The following EHHADH variants were observed in gnomAD, a reference collection of about 807,000 sequenced individuals.
EHHADH encodes the protein enoyl-CoA hydratase and 3-hydroxyacyl CoA dehydrogenase, also known as peroxisomal bifunctional enzyme.
Under a neutral mutation model 64.4 loss-of-function variants are expected in EHHADH, and 48 were observed. The ratio of observed to expected loss-of-function variants is 0.75; its 90% CI spans 0.59 to 0.95. EHHADH has a LOEUF of 0.95. EHHADH is among the 40% of genes least tolerant of loss of function. The probability of loss-of-function intolerance (pLI) is 0.00; values close to 1 mark genes in which losing one functional copy is unlikely to be tolerated. For synonymous variants in EHHADH, 308 were observed against 326.7 expected (o/e 0.94, Z 0.62); for missense variants, 854 against 876.6 (o/e 0.97, Z 0.33).
At chr3:185,220,482 A>C (rs1370442305) in intron 4 of EHHADH, among the ~76,000 whole-genome samples, 9 of 152,334 alleles carry the variant, frequency 5.9e-5, no homozygotes, top group Admixed American at 2.6e-4. Context: ...CATACCATAT[A>C]GCCTAGGTGT....
At chr3:185,229,642 G>A in intron 3 of EHHADH, 99 bp from the exon 4 acceptor site, 2 of 673,754 alleles carry the variant, frequency 3.0e-6, no homozygotes, top group Non-Finnish European at 4.5e-6. Flanking sequence ...CAAAAGCATG[G>A]TGTCACTGAA....
intron 4 of EHHADH, among the ~76,000 whole-genome samples, chr3:185,220,723 C>T (rs992492899): frequency 3.3e-5 from 5 of 152,188 alleles, no homozygotes; most frequent in African/African-American, 1.2e-4. Flanking sequence ...GTGTAGATGA[C>T]AACCACTGTC....
rs557153023 is a variant in EHHADH at position 185,246,510 on chromosome 3, C to T, written c.178+1904G>A. ...GGTCAGCCCCCAGGCCCCGTGGCAG[C>T]GCTGCTCCTGCTGATACCTCTCCCA... On this transcript the variant is annotated intron_variant, in intron 2 of 6. Transcript: ENST00000231887. 3.7e-5 allele frequency: 11 copies of T among 300,568 alleles called. 1 individual carries two copies. The highest frequency in any genetic ancestry group is 2.1e-3 in the Middle Eastern group (2 of 942). 18.6% of individuals were successfully genotyped at this position (300,568 alleles called of 1,614,324 possible). A position where few individuals can be genotyped will look rare whatever the true frequency, so the allele number is the denominator to read the frequency against.
At chr3:185,234,111 T>C (rs1408628854) in intron 3 of EHHADH, among the ~76,000 whole-genome samples, 1 of 152,208 alleles carries the variant, frequency 6.6e-6, no homozygotes, top group Non-Finnish European at 1.5e-5. Context: ...TGTTCTCTAG[T>C]TTAGTAGAAT....
intron 6 of EHHADH, among the ~76,000 whole-genome samples, chr3:185,199,318 A>G (rs897788265): frequency 5.3e-5 from 8 of 152,240 alleles, no homozygotes; most frequent in African/African-American, 1.9e-4. Context: ...CACACAGAAG[A>G]CTGTACTTTC....
intron 2 of EHHADH, among the ~76,000 whole-genome samples, chr3:185,247,427 G>A (rs1453482661): frequency 2.6e-5 from 4 of 152,084 alleles, no homozygotes; most frequent in Non-Finnish European, 5.9e-5. Flanking sequence ...TTAATAACTG[G>A]TTAAGGTTTG....
intron 2 of EHHADH, among the ~76,000 whole-genome samples, chr3:185,242,068 T>C (rs985936616): frequency 1.3e-5 from 2 of 152,196 alleles, no homozygotes; most frequent in South Asian, 2.1e-4. Context: ...CAATAACTCA[T>C]CCCCTTTTAA....
At chr3:185,233,473 A>T (rs1577371441) in intron 3 of EHHADH, among the ~76,000 whole-genome samples, 1 of 152,244 alleles carries the variant, frequency 6.6e-6, no homozygotes, top group East Asian at 1.9e-4. Flanking sequence ...GAAAACAAAT[A>T]GCAAAATGGC....
At chr3:185,201,601 G>A (rs922887847) in intron 6 of EHHADH, among the ~76,000 whole-genome samples, 6 of 152,300 alleles carry the variant, frequency 3.9e-5, no homozygotes, top group Non-Finnish European at 4.4e-5. Flanking sequence ...GTTGCATCAC[G>A]AAGATGAAAC....
At chr3:185,245,483 G>A in intron 2 of EHHADH, 1 of 1,043,604 alleles carries the variant, frequency 9.6e-7, no homozygotes, top group Non-Finnish European at 1.4e-6. Context: ...GCACAGGGCT[G>A]TGCTCGCTTG....
At chr3:185,194,609 T>TAACAACAACAACAAC (rs35024076) in intron 6 of EHHADH, among the ~76,000 whole-genome samples, 1 of 144,406 alleles carries the variant, frequency 6.9e-6, no homozygotes, top group African/African-American at 2.6e-5. Context: ...TGAAACTCTG[T>TAACAACAACAACAAC]AACAACAACA....
intron 4 of EHHADH, among the ~76,000 whole-genome samples, chr3:185,220,256 T>C (rs1309941950): frequency 1.3e-5 from 2 of 152,186 alleles, no homozygotes; most frequent in Non-Finnish European, 2.9e-5. Context: ...ACAGAGTCAA[T>C]GGGATTCCAA....
intron 6 of EHHADH, among the ~76,000 whole-genome samples, chr3:185,197,524 C>A (rs1718097962): frequency 6.6e-6 from 1 of 152,222 alleles, no homozygotes; most frequent in African/African-American, 2.4e-5. Context: ...CCAGGTACCT[C>A]ATGTAAGTGG....
chr3:185,253,882 G>A, intron 1 of EHHADH, 67 bp downstream of exon 1: 1 of 1,590,758 alleles, frequency 6.3e-7, no homozygotes, highest in South Asian at 1.1e-5. Flanking sequence ...GAGAGTCAAA[G>A]CCTCCGGAGC....
chr3:185,204,827 A>G (rs564823208), intron 5 of EHHADH, 70 bp from the exon 6 acceptor site: 12 of 1,282,310 alleles, frequency 9.4e-6, no homozygotes, highest in African/African-American at 1.5e-5. Context: ...ATATATAGTA[A>G]TAACAATAAC....
At chr3:185,237,450 G>T (rs1719326849) in intron 2 of EHHADH, among the ~76,000 whole-genome samples, 1 of 152,068 alleles carries the variant, frequency 6.6e-6, no homozygotes, top group African/African-American at 2.4e-5. Flanking sequence ...TTTCTCATAA[G>T]GAAAGCTTTC....
intron 5 of EHHADH, among the ~76,000 whole-genome samples, chr3:185,215,158 C>T (rs1363424460): frequency 6.6e-6 from 1 of 152,010 alleles, no homozygotes; most frequent in Non-Finnish European, 1.5e-5. Context: ...GTCAAGCATA[C>T]ACTTATTACA....
intron 4 of EHHADH, among the ~76,000 whole-genome samples, chr3:185,220,879 C>A (rs547075494): frequency 6.6e-6 from 1 of 152,132 alleles, no homozygotes; most frequent in African/African-American, 2.4e-5. Flanking sequence ...GGAACTCTTT[C>A]CAAATGTCAT....
chr3:185,231,691 G>A (rs987543457), intron 3 of EHHADH, among the ~76,000 whole-genome samples: 2 of 151,014 alleles, frequency 1.3e-5, no homozygotes, highest in Non-Finnish European at 2.9e-5. Flanking sequence ...AAAAAAGCCA[G>A]TCACAGGAGA....
Sources: allele counts gnomAD v4.1 joint callset (sites outside exome capture counted in the v4.1 genomes callset), GRCh38; gene constraint gnomAD v4.1.1; transcripts MANE v1.5; gene names NCBI Gene and HGNC (gene_info 2026-07-23, HGNC 2026-07-21).